Variants in ALG12 observed in about 807,000 individuals in gnomAD.
The protein encoded by ALG12 is ALG12 alpha-1,6-mannosyltransferase.
A neutral mutation model predicts 46.0 loss-of-function variants in ALG12; 36 were observed. The ratio of observed to expected loss-of-function variants is 0.78; its 90% CI spans 0.60 to 1.03. The LOEUF (loss-of-function observed/expected upper bound fraction) is 1.03, where lower values mean the gene tolerates loss of function less well. ALG12 is among the 50% of genes least tolerant of loss of function. The pLI is 0.00. For synonymous variants in ALG12, 326 were observed against 291.6 expected (o/e 1.12, Z -1.20); for missense variants, 599 against 633.5 (o/e 0.95, Z 0.58).
At chr22:49,916,127 C>T (rs989755408) in intron 1 of ALG12, among the ~76,000 whole-genome samples, 1 of 151,728 alleles carries the variant, frequency 6.6e-6, no homozygotes, top group Non-Finnish European at 1.5e-5. Context: ...GGAGTGGTGG[C>T]GAGTAGTCCC....
chr22:49,867,670 C>T, the ALG12 span, among the ~76,000 whole-genome samples: 1 of 152,210 alleles, frequency 6.6e-6, no homozygotes, highest in Non-Finnish European at 1.5e-5. Flanking sequence ...CTTGGGGATG[C>T]TCGGTGTATC....
chr22:49,910,658 T>C, intron 3 of ALG12, 51 bp from the exon 4 acceptor site: 2 of 1,610,680 alleles, frequency 1.2e-6, no homozygotes, highest in Non-Finnish European at 8.5e-7. Context: ...GAGTATCCAG[T>C]GGGGCCCCCT....
At chr22:49,884,610 G>C in the ALG12 span, 4 of 1,612,418 alleles carry the variant, frequency 2.5e-6, no homozygotes, top group South Asian at 4.4e-5. Context: ...TCAGCCGGGG[G>C]AAGAATGGGA....
In ALG12 at chr22:49,910,069, G is replaced by A. The variant is rs960951087; in HGVS notation, c.489C>T (p.Ala163=). ...ALPVVLLALA[A]WLRHEWARFI... ...AGCGGGCCCACTCGTGCCGCAGCCA[G>A]GCCGCGAGGGCCAGCAGGACTGCAA... The change falls in exon 5 of 10, where the codon GCC becomes GCT. Residue 163 remains alanine, a synonymous_variant. Coordinates refer to ENST00000330817, the MANE Select transcript of ALG12 (RefSeq NM_024105.4). The A allele has an allele frequency of 3.7e-6, 6 of 1,610,080 alleles. No individual in the cohort carries two copies. Among genetic ancestry groups the A allele is most frequent in the Non-Finnish European group, 4.2e-6 (5 of 1,178,678 alleles).
the ALG12 span, among the ~76,000 whole-genome samples, chr22:49,875,722 G>A: frequency 3.3e-5 from 5 of 152,054 alleles, no homozygotes; most frequent in Admixed American, 2.6e-4. Flanking sequence ...CGCCCAGCTT[G>A]TCCATTTCAT....
the ALG12 span, among the ~76,000 whole-genome samples, chr22:49,871,255 A>T: frequency 1.3e-5 from 2 of 151,416 alleles, no homozygotes; most frequent in African/African-American, 4.8e-5. Context: ...TTGGGAGGCC[A>T]AGGCAGGTGG....
the ALG12 span, chr22:49,883,970 C>G: frequency 6.2e-7 from 1 of 1,613,424 alleles, no homozygotes; most frequent in Admixed American, 1.7e-5. Flanking sequence ...GAGGCCGTGA[C>G]CCAGAGCCTC....
intron 9 of ALG12, 53 bp from the exon 10 acceptor site, chr22:49,904,119 C>T (rs2060529730): frequency 2.5e-6 from 4 of 1,613,944 alleles, no homozygotes; most frequent in Non-Finnish European, 3.4e-6. Context: ...CGCCCTGTCC[C>T]CCGCCCCCAA....
At chr22:49,907,637 C>T (rs2060549986) in intron 7 of ALG12, 84 bp downstream of exon 7, 4 of 1,447,606 alleles carry the variant, frequency 2.8e-6, no homozygotes, top group East Asian at 2.4e-5. Flanking sequence ...AAATTAAACA[C>T]ACACATACAT....
At chr22:49,871,302 T>G in the ALG12 span, among the ~76,000 whole-genome samples, 1 of 151,788 alleles carries the variant, frequency 6.6e-6, no homozygotes, top group Non-Finnish European at 1.5e-5. Context: ...GCCTGGCCAA[T>G]GTGGTGAAAC....
Position 49,904,143 on chromosome 22 carries a change from GGCCTCTGGGAGGGCCGT to G in ALG12, c.1238+19_1238+35del. On this transcript the variant is annotated intron_variant, in intron 9 of 9. Coordinates refer to ENST00000330817, the MANE Select transcript of ALG12 (RefSeq NM_024105.4). ...CCCCGCCCCCAAGGGGCCCTCACAT[GGCCTCTGGGAGGGCCGT>G]GCTGTGTGTGGATCCTACCTCCAGG... The G allele has an allele frequency of 6.2e-7, 1 of 1,614,128 alleles. No homozygotes were observed. Among genetic ancestry groups the G allele is most frequent in the Non-Finnish European group, 8.5e-7 (1 of 1,179,952 alleles).
At chr22:49,889,320 C>G in the ALG12 span, 1 of 167,062 alleles carries the variant, frequency 6.0e-6, no homozygotes, top group Non-Finnish European at 1.5e-5. Context: ...TGGCTACTTT[C>G]AGGCTGCGAC....
At chr22:49,873,244 A>G in the ALG12 span, among the ~76,000 whole-genome samples, 5 of 152,298 alleles carry the variant, frequency 3.3e-5, no homozygotes, top group African/African-American at 1.2e-4. Context: ...AATCATTTCT[A>G]TCTTTTGAAA....
the ALG12 span, among the ~76,000 whole-genome samples, chr22:49,894,732 CA>C: frequency 2.1e-4 from 32 of 152,264 alleles, no homozygotes; most frequent in African/African-American, 7.0e-4. Flanking sequence ...GCCTCAGCAG[CA>C]AATAAAGTGA....
rs1053810683 is a variant in ALG12 at position 49,905,336 on chromosome 22, C to T, written c.993-830G>A. ...CACTCTCTTCCAAACCCACCAGGCT[C>T]CTCGGAGCCCTCTTCTCCACAGGCC... On this transcript the variant is annotated intron_variant, in intron 7 of 9. Coordinates refer to ENST00000330817, the MANE Select transcript of ALG12 (RefSeq NM_024105.4). The surrounding 1 kb of genome is among the most constrained non-coding windows in gnomAD (Gnocchi z 4.9). Among the ~76,000 whole-genome samples, 1 of 152,210 alleles carries T rather than the reference C, an allele frequency of 6.6e-6. No individual in the cohort carries two copies. Among genetic ancestry groups the T allele is most frequent in the Admixed American group, 6.5e-5 (1 of 15,272 alleles).
At chr22:49,883,633 A>G in the ALG12 span, 2 of 1,508,790 alleles carry the variant, frequency 1.3e-6, no homozygotes, top group Non-Finnish European at 1.8e-6. Flanking sequence ...TTATGAACCT[A>G]AGATACAGCC....
rs571977375 is a variant in ALG12 at position 49,911,082 on chromosome 22, C to G, written c.296-475G>C. Among the ~76,000 whole-genome samples, 188 of 152,366 alleles carry G rather than the reference C, an allele frequency of 1.2e-3. 2 individuals are homozygous for G. The highest frequency in any genetic ancestry group is 4.3e-3 in the African/African-American group (180 of 41,588). ...TTTGACAGCAGGAGCCACCTCTGGG[C>G]TGGTGGTCTGATGAGGAGGTGGTGA... On this transcript the variant is annotated intron_variant, in intron 3 of 9. Coordinates refer to ENST00000330817, the MANE Select transcript of ALG12 (RefSeq NM_024105.4).
rs11704446 is a variant in ALG12, at chr22:49,909,023, T to A, written c.768+221A>T. Among the ~76,000 whole-genome samples, 12,325 of 151,424 alleles carry A rather than the reference T, an allele frequency of 0.081. 589 individuals are homozygous for A. Among genetic ancestry groups the A allele is most frequent in the South Asian group, 0.12 (583 of 4,780 alleles). On this transcript the variant is annotated intron_variant, in intron 6 of 9. Coordinates refer to ENST00000330817, the MANE Select transcript of ALG12 (RefSeq NM_024105.4). ...CTGGGGTAATCTGGGGCAGGGCTGT[T>A]TCCAGCCCTCAGGCTGTTTCCTGGC...
chr22:49,910,542 G>A lies in ALG12; in HGVS notation c.361C>T (p.His121Tyr), dbSNP rs778171596. Residue 121 changes from histidine to tyrosine, a missense_variant, in exon 4 of 10, where the codon CAC (histidine) becomes TAC (tyrosine). His to Tyr is a moderately conservative substitution (Grantham distance 83). Transcript: ENST00000330817. ...LWTLQKEVRR[H>Y]FGAMVATMFC... Reference sequence around the variant, plus strand: ...ATGGTGGCCACCATGGCCCCGAAGTGCCGTCTCACTTCCTTTTGTAACGTC... The same window carrying A: ...ATGGTGGCCACCATGGCCCCGAAGTACCGTCTCACTTCCTTTTGTAACGTC... 1.9e-6 allele frequency: 3 copies of A among 1,614,010 alleles called. No homozygotes were observed. Among genetic ancestry groups the A allele is most frequent in the Non-Finnish European group, 1.7e-6 (2 of 1,180,038 alleles).
Sources: allele counts gnomAD v4.1 joint callset (sites outside exome capture counted in the v4.1 genomes callset), GRCh38; gene constraint gnomAD v4.1.1; non-coding constraint Gnocchi (gnomAD v3.1); transcripts MANE v1.5; gene names NCBI Gene and HGNC (gene_info 2026-07-23, HGNC 2026-07-21).